The following UNK variants were observed in gnomAD, a reference collection of about 807,000 sequenced individuals.
UNK encodes unk zinc finger, also known as RING finger protein unkempt homolog.
Under a neutral mutation model 97.6 loss-of-function variants are expected in UNK, and 32 were observed. The observed-to-expected ratio is 0.33, with a 90% CI of 0.25 to 0.44. The LOEUF (loss-of-function observed/expected upper bound fraction) is 0.44, where lower values mean the gene tolerates loss of function less well. Among genes scored for constraint, UNK ranks in the 20% least tolerant of loss-of-function variants. The pLI, the probability that UNK is intolerant of heterozygous loss-of-function variation, is 1.00. For synonymous variants in UNK, 441 were observed against 461.2 expected (o/e 0.96, Z 0.56); for missense variants, 771 against 1,098.4 (o/e 0.70, Z 4.21).
At chr17:75,791,578 T>A (rs2061764271) in intron 1 of UNK, among the ~76,000 whole-genome samples, 1 of 152,228 alleles carries the variant, frequency 6.6e-6, no homozygotes, top group African/African-American at 2.4e-5. Context: ...AACTAATTTC[T>A]TGCAGGACAG....
chr17:75,809,741 C>T lies in UNK; in HGVS notation c.105-19C>T, dbSNP rs367582796. 6.5e-5 allele frequency: 103 copies of T among 1,585,672 alleles called. No individual in the cohort carries two copies. The highest frequency in any genetic ancestry group is 2.3e-4 in the East Asian group (10 of 42,838). On this transcript the variant is annotated intron_variant, in intron 1 of 15. Transcript: ENST00000589666. ...CATTCTCTGCTCCCGGCCTGCCCCA[C>T]GCGGGGCTCTCTCTGCAGGTACCTG...
In UNK at chr17:75,816,954, C is replaced by T; in HGVS notation, c.1104+42C>T. 6.4e-7 allele frequency: 1 copy of T among 1,573,226 alleles called. No individual in the cohort carries two copies. Among genetic ancestry groups the T allele is most frequent in the Non-Finnish European group, 8.6e-7 (1 of 1,165,472 alleles). On this transcript the variant is annotated intron_variant, in intron 8 of 15. Coordinates refer to ENST00000589666, the MANE Select transcript of UNK (RefSeq NM_001080419.3). This position sits in a 1 kb window ranked among gnomAD's most constrained non-coding sequence, Gnocchi z 4.0. ...GGGAGTGGGTGGGCACCATGCCTGA[C>T]AGAGCCAATACTTGCCTCCTAGGCC...
Position 75,817,478 on chromosome 17 carries a change from G to C in UNK, c.1257G>C (p.Glu419Asp). 2 of 1,613,086 alleles carry C rather than the reference G, an allele frequency of 1.2e-6. No homozygotes were observed. Among genetic ancestry groups the C allele is most frequent in the African/African-American group, 1.3e-5 (1 of 75,042 alleles). ...GCTATAAGAAGGCTCCCGGCTTCGAGAGGGAAGACCAGGTGGGAGCCGAGT... is the reference window on the plus strand; with the variant it reads ...GCTATAAGAAGGCTCCCGGCTTCGACAGGGAAGACCAGGTGGGAGCCGAGT... ...PGSYKKAPGFEREDQVGAEYL... is the reference protein window; with the variant it reads ...PGSYKKAPGFDREDQVGAEYL... The change falls in exon 9 of 16, where the codon GAG becomes GAC. Residue 419 changes from glutamate to aspartate, a missense_variant. Coordinates refer to ENST00000589666, the MANE Select transcript of UNK (RefSeq NM_001080419.3). This position sits in a 1 kb window ranked among gnomAD's most constrained non-coding sequence, Gnocchi z 5.8.
At chr17:75,795,131 G>T (rs186975168) in intron 1 of UNK, among the ~76,000 whole-genome samples, 134 of 152,086 alleles carry the variant, frequency 8.8e-4, no homozygotes, top group African/African-American at 3.0e-3. Flanking sequence ...CCATCATACT[G>T]CTTGTATCTT....
chr17:75,821,352 G>T (rs1215069386), intron 13 of UNK: 1 of 456,348 alleles, frequency 2.2e-6, no homozygotes, highest in East Asian at 6.9e-5. Context: ...GCCAGTGTGG[G>T]AAGCAGAGGT....
At chr17:75,805,809 A>ATGTGTGTGTGTGTGTGTGTGT (rs1567800919) in intron 1 of UNK, among the ~76,000 whole-genome samples, 2 of 96,492 alleles carry the variant, frequency 2.1e-5, no homozygotes, top group African/African-American at 1.2e-4. Flanking sequence ...TAAAAAGAAA[A>ATGTGTGTGTGTGTGTGTGTGT]ATGTGTGTGT....
chr17:75,817,878 G>T lies in UNK; in HGVS notation c.1306-225G>T, dbSNP rs993932649. 9.2e-5 allele frequency among the ~76,000 whole-genome samples: 14 copies of T among 152,108 alleles called. No homozygotes were observed. Among genetic ancestry groups the T allele is most frequent in the Non-Finnish European group, 1.5e-4 (10 of 68,004 alleles). ...ACTGGGCCTGGAGAGATACCTTCTG[G>T]GCTTACATGAGGCCTAGTGTCACCG... On this transcript the variant is annotated intron_variant, in intron 9 of 15. Coordinates refer to ENST00000589666, the MANE Select transcript of UNK (RefSeq NM_001080419.3). This position sits in a 1 kb window ranked among gnomAD's most constrained non-coding sequence, Gnocchi z 5.8.
chr17:75,791,204 C>T (rs2061761435), intron 1 of UNK, among the ~76,000 whole-genome samples: 1 of 152,178 alleles, frequency 6.6e-6, no homozygotes, highest in African/African-American at 2.4e-5. Flanking sequence ...AGAATAAATA[C>T]TTTATAGCTT....
chr17:75,822,120 A>G (rs988002668), intron 13 of UNK, among the ~76,000 whole-genome samples: 7 of 152,300 alleles, frequency 4.6e-5, no homozygotes, highest in Middle Eastern at 3.4e-3. Flanking sequence ...TGAAGCCACA[A>G]TCATAAATTG....
rs2062065707 is a variant in UNK at position 75,821,301 on chromosome 17, A to T, written c.1838-1176A>T. 3 of 443,116 alleles carry T rather than the reference A, an allele frequency of 6.8e-6. No homozygotes were observed. In the Admixed American group the frequency reaches 7.4e-5, roughly 11 times the overall value. 27.4% of individuals were successfully genotyped at this position (443,116 alleles called of 1,614,324 possible). A position where few individuals can be genotyped will look rare whatever the true frequency, so the allele number is the denominator to read the frequency against. On this transcript the variant is annotated intron_variant, in intron 13 of 15. Transcript: ENST00000589666. Reference sequence around the variant, plus strand: ...GACTATTGAGCACAGGTGTATTGATACAGGTGTAAGTGCAACAGTCCCTGC... The same window carrying T: ...GACTATTGAGCACAGGTGTATTGATTCAGGTGTAAGTGCAACAGTCCCTGC...
chr17:75,813,710 C>G (rs893661028), intron 5 of UNK, 51 bp from the exon 6 acceptor site: 1 of 1,499,252 alleles, frequency 6.7e-7, no homozygotes, highest in Non-Finnish European at 9.0e-7. Flanking sequence ...CTGCTAGGCT[C>G]CGATCTCACC....
At chr17:75,811,874 C>G (rs560826878) in intron 2 of UNK, among the ~76,000 whole-genome samples, 1 of 152,272 alleles carries the variant, frequency 6.6e-6, no homozygotes, top group East Asian at 1.9e-4. Flanking sequence ...GTAGTCCCAG[C>G]TACTCGGGAG....
chr17:75,814,283 C>G (rs1039566807), intron 6 of UNK, among the ~76,000 whole-genome samples: 1 of 152,026 alleles, frequency 6.6e-6, no homozygotes, highest in African/African-American at 2.4e-5. Flanking sequence ...GGGTGCATCA[C>G]TTGAGGTCAG....
At chr17:75,822,086 T>C (rs1599393298) in intron 13 of UNK, among the ~76,000 whole-genome samples, 1 of 152,172 alleles carries the variant, frequency 6.6e-6, no homozygotes, top group Non-Finnish European at 1.5e-5. Flanking sequence ...CACATCAGGC[T>C]GCAAAAAGGC....
At chr17:75,801,726 G>A (rs916184818) in intron 1 of UNK, among the ~76,000 whole-genome samples, 1 of 151,876 alleles carries the variant, frequency 6.6e-6, no homozygotes, top group Non-Finnish European at 1.5e-5. Flanking sequence ...TGTATTTTTA[G>A]TAGAGACGGG....
Position 75,819,138 on chromosome 17 carries a change from C to T in UNK, c.1546+322C>T, listed in dbSNP as rs1054954587. Reference sequence around the variant, plus strand: ...CTTGTGTAGTGAATGGCCAGCACGACGTTCTCAGAATCCCTGGTGCTAGAA... The same window carrying T: ...CTTGTGTAGTGAATGGCCAGCACGATGTTCTCAGAATCCCTGGTGCTAGAA... On this transcript the variant is annotated intron_variant, in intron 11 of 15. Coordinates refer to ENST00000589666, the MANE Select transcript of UNK (RefSeq NM_001080419.3). The surrounding 1 kb of genome is among the most constrained non-coding windows in gnomAD (Gnocchi z 5.4). The T allele has an allele frequency of 2.0e-5, 6 of 294,184 alleles. No homozygotes were observed. The highest frequency in any genetic ancestry group is 3.8e-5 in the Non-Finnish European group (6 of 159,840). 18.2% of individuals were successfully genotyped at this position (294,184 alleles called of 1,614,324 possible). A position where few individuals can be genotyped will look rare whatever the true frequency, so the allele number is the denominator to read the frequency against.
intron 1 of UNK, among the ~76,000 whole-genome samples, chr17:75,807,799 G>T (rs934085957): frequency 6.6e-6 from 1 of 151,798 alleles, no homozygotes; most frequent in Non-Finnish European, 1.5e-5. Flanking sequence ...AGTTTGGCCA[G>T]TCTGGTCTTG....
chr17:75,786,746 A>G (rs2061715438), intron 1 of UNK, among the ~76,000 whole-genome samples: 2 of 152,134 alleles, frequency 1.3e-5, no homozygotes, highest in African/African-American at 2.4e-5. Context: ...AATCCCAGCT[A>G]CTCAGGAGGC....
At chr17:75,821,946 C>CA in intron 13 of UNK, 1 of 338,868 alleles carries the variant, frequency 3.0e-6, no homozygotes, top group Non-Finnish European at 5.8e-6. Flanking sequence ...CTTGGTAAAA[C>CA]ATTTTATCCA....
Sources: allele counts gnomAD v4.1 joint callset (sites outside exome capture counted in the v4.1 genomes callset), GRCh38; gene constraint gnomAD v4.1.1; non-coding constraint Gnocchi (gnomAD v3.1); transcripts MANE v1.5; gene names NCBI Gene and HGNC (gene_info 2026-07-23, HGNC 2026-07-21).